The following ANKMY1 variants were observed in gnomAD, a reference collection of about 807,000 sequenced individuals.
ANKMY1 encodes the protein ankyrin repeat and MYND domain-containing protein 1.
ANKMY1 carries 98 observed loss-of-function variants against 102.0 expected under a neutral mutation model. The observed-to-expected ratio is 0.96, with a 90% confidence interval of 0.82 to 1.14. The LOEUF is 1.14. Ranked by LOEUF, ANKMY1 falls within the 50% of genes most tolerant of loss-of-function variation. ANKMY1 has a pLI of 0.00. For synonymous variants in ANKMY1, 582 were observed against 559.9 expected, an observed-to-expected ratio of 1.04 and a Z score of -0.56; for missense variants, 1,330 against 1,347.6, an observed-to-expected ratio of 0.99 and a Z score of 0.20.
chr2:240,544,661 C>CAAGCCG (rs1401350592), intron 4 of ANKMY1, among the ~76,000 whole-genome samples: 10 of 152,290 alleles, frequency 6.6e-5, no homozygotes, highest in African/African-American at 2.4e-4. Flanking sequence ...GCACTGTGCG[C>CAAGCCG]AAGCCGAAGC....
chr2:240,473,163 T>C, the ANKMY1 span, among the ~76,000 whole-genome samples: 8 of 116,376 alleles, frequency 6.9e-5, no homozygotes, highest in African/African-American at 2.8e-4. Context: ...CAAAAGAAAC[T>C]AGTAAAGCTC....
intron 14 of ANKMY1, 27 bp from the exon 15 acceptor site, chr2:240,500,150 A>G: frequency 6.4e-7 from 1 of 1,555,840 alleles, no homozygotes; most frequent in Non-Finnish European, 8.7e-7. Flanking sequence ...GGGTCACCAC[A>G]GGGTCCCGGG....
Position 240,555,976 on chromosome 2 carries a change from G to A in ANKMY1, c.147-921C>T, listed in dbSNP as rs542556095. Among the ~76,000 whole-genome samples the A allele has an allele frequency of 1.9e-4, 29 of 152,340 alleles. 1 individual carries two copies. In the East Asian group the frequency reaches 4.4e-3, roughly 23 times the overall value. On this transcript the variant is annotated intron_variant, in intron 2 of 17. Transcript: ENST00000401804. ...CCGTTCTCAGCTGTGCAGGGCGGCC[G>A]TCCCTGGCCAAGGTGCCAGCAGCGT...
At chr2:240,473,136 AAAAC>A in the ANKMY1 span, among the ~76,000 whole-genome samples, 1 of 150,568 alleles carries the variant, frequency 6.6e-6, no homozygotes, top group African/African-American at 2.4e-5. Context: ...AAAAAAAAAA[AAAAC>A]AAAAAAAACC....
At position 240,484,723 on chromosome 2, in the gene ANKMY1, C is replaced by T. The variant is rs540179683; in HGVS notation, c.2807-2462G>A. Among the ~76,000 whole-genome samples the T allele has an allele frequency of 1.3e-4, 20 of 152,276 alleles. 1 individual carries two copies. In the South Asian group the frequency reaches 4.1e-3, roughly 32 times the overall value. On this transcript the variant is annotated intron_variant, in intron 15 of 17. Coordinates refer to ENST00000401804, the MANE Select transcript of ANKMY1 (RefSeq NM_001282771.3). ...CAAATGGGATCTAATTAAAATAGGGCTTCTGCACAGCAAAGGAAACTATCA... is the reference window on the plus strand; with the variant it reads ...CAAATGGGATCTAATTAAAATAGGGTTTCTGCACAGCAAAGGAAACTATCA...
upstream of ANKMY1, among the ~76,000 whole-genome samples, chr2:240,559,035 G>A (rs944056041): frequency 2.6e-5 from 4 of 152,172 alleles, no homozygotes; most frequent in African/African-American, 9.7e-5. Flanking sequence ...TAAGGAGTCA[G>A]AACCAACATG....
upstream of ANKMY1, chr2:240,560,087 G>C (rs1559405885): frequency 6.6e-6 from 1 of 152,312 alleles, no homozygotes; most frequent in African/African-American, 2.4e-5. Flanking sequence ...ATAGAAATTA[G>C]TTTTATTTTA....
chr2:240,493,775 C>CACTG (rs1392379543), intron 15 of ANKMY1, among the ~76,000 whole-genome samples: 4 of 152,098 alleles, frequency 2.6e-5, no homozygotes, highest in Non-Finnish European at 5.9e-5. Flanking sequence ...GAGTGGTGTA[C>CACTG]ACTGGCACTT....
At chr2:240,493,980 C>T (rs565757957) in intron 15 of ANKMY1, among the ~76,000 whole-genome samples, 6 of 152,152 alleles carry the variant, frequency 3.9e-5, no homozygotes, top group South Asian at 2.1e-4. Flanking sequence ...CTGATGTTGG[C>T]GGCTGTGATG....
intron 15 of ANKMY1, among the ~76,000 whole-genome samples, chr2:240,486,649 C>T (rs1439599579): frequency 6.6e-6 from 1 of 152,160 alleles, no homozygotes; most frequent in Non-Finnish European, 1.5e-5. Context: ...GTTTATCTAA[C>T]TCTGAGCACT....
chr2:240,503,104 C>T (rs749775948), intron 13 of ANKMY1, among the ~76,000 whole-genome samples: 7 of 152,160 alleles, frequency 4.6e-5, no homozygotes, highest in Non-Finnish European at 7.4e-5. Context: ...CCCTGCTGAA[C>T]GGCACCGGGA....
intron 8 of ANKMY1, chr2:240,522,338 A>G (rs1281751485): frequency 6.6e-6 from 1 of 152,202 alleles, no homozygotes; most frequent in Admixed American, 6.5e-5. Flanking sequence ...TGTTACTAAT[A>G]AGTAACACTG....
intron 4 of ANKMY1, among the ~76,000 whole-genome samples, chr2:240,550,564 G>C (rs558416248): frequency 6.6e-6 from 1 of 151,994 alleles, no homozygotes. Flanking sequence ...GTAAATTTTT[G>C]ATCTTAAATT....
chr2:240,490,121 A>C (rs2076477364), intron 15 of ANKMY1, among the ~76,000 whole-genome samples: 1 of 151,764 alleles, frequency 6.6e-6, no homozygotes, highest in Non-Finnish European at 1.5e-5. Context: ...TTTTATTTAC[A>C]GAGATTCATT....
intron 13 of ANKMY1, 134 bp downstream of exon 13, chr2:240,507,426 T>G: frequency 1.3e-6 from 1 of 753,514 alleles, no homozygotes; most frequent in South Asian, 3.0e-5. Context: ...ACCCAGCCCT[T>G]ATACCCCTCA....
intron 3 of ANKMY1, 166 bp from the exon 4 acceptor site, chr2:240,553,223 C>T (rs2091837979): frequency 2.6e-6 from 2 of 773,838 alleles, no homozygotes; most frequent in South Asian, 3.6e-5. Context: ...GCAACTGAAG[C>T]ACCCAGAGGG....
chr2:240,531,247 G>A (rs1288928167), intron 4 of ANKMY1, among the ~76,000 whole-genome samples: 5 of 152,168 alleles, frequency 3.3e-5, no homozygotes, highest in East Asian at 1.9e-4. Flanking sequence ...ACCAAGTGTC[G>A]ACAAGGATGT....
chr2:240,555,100 G>A (rs2092146941), intron 2 of ANKMY1, 45 bp from the exon 3 acceptor site: 1 of 1,594,682 alleles, frequency 6.3e-7, no homozygotes, highest in Non-Finnish European at 8.6e-7. Context: ...AGTGGCTGCA[G>A]TGCCTTCAGT....
chr2:240,520,563 T>C lies in ANKMY1; in HGVS notation c.1833-30A>G, dbSNP rs1467182003. ...AAAAGACGGTGCGCCCGTGGGCCCCTGGAGGGCAGGCACCTGCACTGCGCC... is the reference window on the plus strand; with the variant it reads ...AAAAGACGGTGCGCCCGTGGGCCCCCGGAGGGCAGGCACCTGCACTGCGCC... On this transcript the variant is annotated intron_variant, in intron 8 of 17. Coordinates refer to ENST00000401804, the MANE Select transcript of ANKMY1 (RefSeq NM_001282771.3). The surrounding 1 kb of genome is among the most constrained non-coding windows in gnomAD (Gnocchi z 4.8). The C allele has an allele frequency of 6.3e-7, 1 of 1,595,192 alleles. No individual in the cohort carries two copies. Among genetic ancestry groups the C allele is most frequent in the Non-Finnish European group, 8.5e-7 (1 of 1,170,426 alleles).
Sources: allele counts gnomAD v4.1 joint callset (sites outside exome capture counted in the v4.1 genomes callset), GRCh38; gene constraint gnomAD v4.1.1; non-coding constraint Gnocchi (gnomAD v3.1); transcripts MANE v1.5; gene names NCBI Gene and HGNC (gene_info 2026-07-23, HGNC 2026-07-21).